The following DRAM1 variants were observed in gnomAD, a reference collection of about 807,000 sequenced individuals.
The protein encoded by DRAM1 is DNA damage regulated autophagy modulator 1, also known as DNA damage-regulated autophagy modulator protein 1.
A neutral mutation model predicts 28.5 loss-of-function variants in DRAM1; 25 were observed. The ratio of observed to expected loss-of-function variants is 0.88; its 90% CI spans 0.64 to 1.23. The LOEUF (loss-of-function observed/expected upper bound fraction) is 1.23, where lower values mean the gene tolerates loss of function less well. Ranked by LOEUF, DRAM1 falls within the 50% of genes most tolerant of loss-of-function variation. DRAM1 has a pLI of 0.00. For missense variants in DRAM1, 249 were observed against 299.2 expected (o/e 0.83, Z 1.24); for synonymous variants, 113 against 114.2 (o/e 0.99, Z 0.07).
At position 101,923,492 on chromosome 12, in the gene DRAM1, G is replaced by A. The variant is rs1461847058; in HGVS notation, c.*2232G>A. 6.6e-6 allele frequency: 1 copy of A among 152,206 alleles called. No homozygotes were observed. The highest frequency in any genetic ancestry group is 1.5e-5 in the Non-Finnish European group (1 of 68,042). 9.4% of individuals were successfully genotyped at this position (152,206 alleles called of 1,614,324 possible). A position where few individuals can be genotyped will look rare whatever the true frequency, so the allele number is the denominator to read the frequency against. On this transcript the variant is annotated 3_prime_UTR_variant, in exon 7 of 7. Transcript: ENST00000258534. ...TGTAGGAGCTTAAGAAATACTCACT[G>A]AATGCATGAATGAATGAATGAACAA...
chr12:101,909,602 T>C (rs1594308584), intron 4 of DRAM1, among the ~76,000 whole-genome samples: 2 of 152,174 alleles, frequency 1.3e-5, no homozygotes, highest in South Asian at 4.1e-4. Context: ...AAGCTCTAGA[T>C]CACTTATTAC....
At chr12:101,887,145 CA>C (rs10654713) in intron 1 of DRAM1, among the ~76,000 whole-genome samples, 71 of 128,950 alleles carry the variant, frequency 5.5e-4, no homozygotes, top group Non-Finnish European at 8.1e-4. Flanking sequence ...AACTCCGTTT[CA>C]AAAAAAAAAA....
At chr12:101,889,494 T>G (rs7962700) in intron 1 of DRAM1, among the ~76,000 whole-genome samples, 98,185 of 149,484 alleles carry the variant, frequency 0.66, 33,456 homozygotes, top group East Asian at 0.91. Context: ...AGGAAGGAAG[T>G]AAGGAAGGAA....
At chr12:101,908,967 A>G (rs1434924703) in intron 4 of DRAM1, among the ~76,000 whole-genome samples, 1 of 151,996 alleles carries the variant, frequency 6.6e-6, no homozygotes, top group African/African-American at 2.4e-5. Context: ...AATTCGGATA[A>G]AAGTGTAGAT....
At chr12:101,879,196 C>T (rs1872604682) in intron 1 of DRAM1, among the ~76,000 whole-genome samples, 1 of 152,086 alleles carries the variant, frequency 6.6e-6, no homozygotes, top group South Asian at 2.1e-4. Context: ...CAGGGTTTCA[C>T]TATGTTGGTC....
chr12:101,914,261 T>G, intron 5 of DRAM1, 29 bp downstream of exon 5: 1 of 1,582,068 alleles, frequency 6.3e-7, no homozygotes. Context: ...TGAATGTGGT[T>G]GTCGGACGTG....
At chr12:101,888,574 A>G (rs1376281411) in intron 1 of DRAM1, among the ~76,000 whole-genome samples, 1 of 152,192 alleles carries the variant, frequency 6.6e-6, no homozygotes, top group Non-Finnish European at 1.5e-5. Context: ...AGGGTGATGG[A>G]TGGAGTGTTG....
At chr12:101,886,703 T>G (rs1217276812) in intron 1 of DRAM1, among the ~76,000 whole-genome samples, 6 of 152,226 alleles carry the variant, frequency 3.9e-5, no homozygotes, top group African/African-American at 1.4e-4. Context: ...TACCCATGTC[T>G]TTGTATTCTC....
chr12:101,901,262 A>G, intron 2 of DRAM1, 29 bp from the exon 3 acceptor site: 1 of 1,600,486 alleles, frequency 6.2e-7, no homozygotes, highest in African/African-American at 1.3e-5. Flanking sequence ...CAAATTATGA[A>G]CATTCATCAA....
chr12:101,912,157 A>G (rs12303474), intron 4 of DRAM1, among the ~76,000 whole-genome samples: 40,203 of 152,102 alleles, frequency 0.26, 7,164 homozygotes, highest in African/African-American at 0.5. Flanking sequence ...CTGAGATCAC[A>G]CCACTGCACT....
chr12:101,882,523 C>A (rs1872726194), intron 1 of DRAM1, among the ~76,000 whole-genome samples: 1 of 151,342 alleles, frequency 6.6e-6, no homozygotes, highest in Admixed American at 6.6e-5. Flanking sequence ...CAGATACTTT[C>A]TCCTTGTAAC....
intron 2 of DRAM1, among the ~76,000 whole-genome samples, chr12:101,900,616 A>G (rs1566125884): frequency 6.6e-6 from 1 of 152,242 alleles, no homozygotes; most frequent in East Asian, 1.9e-4. Context: ...GAGAAATGCA[A>G]ACTAACCCAA....
At chr12:101,896,381 A>G (rs1231603809) in intron 1 of DRAM1, among the ~76,000 whole-genome samples, 1 of 152,222 alleles carries the variant, frequency 6.6e-6, no homozygotes, top group African/African-American at 2.4e-5. Flanking sequence ...AATGAGTTCA[A>G]GTTGTTTCAT....
Position 101,920,150 on chromosome 12 carries a change from A to C in DRAM1, c.621A>C (p.Thr207=). Residue 207 remains threonine (T), a synonymous_variant, in exon 6 of 7, where the codon ACA becomes ACC. Coordinates refer to ENST00000258534, the MANE Select transcript of DRAM1 (RefSeq NM_018370.3). ...TAGTGAGTGCGATCTGTGAATGGAC[A>C]GTGGCCTTTGGTTTTATTTTCTACT... ...YHVVSAICEW[T]VAFGFIFYFL... 6.2e-7 allele frequency: 1 copy of C among 1,612,464 alleles called. No homozygotes were observed. Among genetic ancestry groups the C allele is most frequent in the Non-Finnish European group, 8.5e-7 (1 of 1,179,424 alleles).
At chr12:101,910,925 T>A (rs1219350381) in intron 4 of DRAM1, among the ~76,000 whole-genome samples, 2 of 152,102 alleles carry the variant, frequency 1.3e-5, no homozygotes, top group African/African-American at 4.8e-5. Context: ...TTATATTTCC[T>A]TACAAAGAAT....
intron 3 of DRAM1, among the ~76,000 whole-genome samples, chr12:101,902,100 C>T (rs1873627627): frequency 6.6e-6 from 1 of 151,986 alleles, no homozygotes; most frequent in Non-Finnish European, 1.5e-5. Flanking sequence ...CCATTTAAAC[C>T]TCTGGTATTC....
chr12:101,911,441 A>G (rs77694286), intron 4 of DRAM1, among the ~76,000 whole-genome samples: 6,445 of 152,244 alleles, frequency 0.042, 383 homozygotes, highest in East Asian at 0.24. Flanking sequence ...ACTCACCAAC[A>G]GCATAAAGTC....
chr12:101,909,317 A>C (rs1020610775), intron 4 of DRAM1, among the ~76,000 whole-genome samples: 1 of 152,132 alleles, frequency 6.6e-6, no homozygotes, highest in Non-Finnish European at 1.5e-5. Context: ...AATTAGATCA[A>C]AAGTCTCTTT....
chr12:101,892,166 T>C (rs1202442840), intron 1 of DRAM1, among the ~76,000 whole-genome samples: 1 of 151,820 alleles, frequency 6.6e-6, no homozygotes, highest in Non-Finnish European at 1.5e-5. Context: ...ACTTAATATA[T>C]AAAATCAGAC....
Sources: allele counts gnomAD v4.1 joint callset (sites outside exome capture counted in the v4.1 genomes callset), GRCh38; gene constraint gnomAD v4.1.1; transcripts MANE v1.5; gene names NCBI Gene and HGNC (gene_info 2026-07-23, HGNC 2026-07-21).